ABI3BP: variants seen among roughly 807,000 people sequenced by gnomAD.
ABI3BP encodes the protein target of Nesh-SH3.
In ABI3BP, 216 loss-of-function variants were observed where a neutral mutation model predicts 268.6. The ratio of observed to expected loss-of-function variants is 0.80; its 90% CI spans 0.72 to 0.90. ABI3BP has a LOEUF of 0.90. Ranked by LOEUF, ABI3BP falls within the 40% of genes least tolerant of loss-of-function variation. The pLI is 0.00. For missense variants in ABI3BP, 2,090 were observed against 2,182.4 expected (o/e 0.96, Z 0.84); for synonymous variants, 730 against 730.0 (o/e 1.00, Z 0.00).
At chr3:100,904,526 A>T (rs982016399) in intron 2 of ABI3BP, among the ~76,000 whole-genome samples, 4 of 152,208 alleles carry the variant, frequency 2.6e-5, no homozygotes, top group Admixed American at 1.3e-4. Flanking sequence ...AGGTAGAACA[A>T]GGTAAGTATG....
chr3:100,751,276 T>G (rs1281994691), intron 67 of ABI3BP, among the ~76,000 whole-genome samples: 1 of 152,210 alleles, frequency 6.6e-6, no homozygotes, highest in African/African-American at 2.4e-5. Flanking sequence ...ATAACATTAA[T>G]AAATGAGTGA....
intron 47 of ABI3BP, among the ~76,000 whole-genome samples, 200 bp downstream of exon 47, chr3:100,811,524 CAGAG>C (rs1578570054): frequency 6.6e-6 from 1 of 152,058 alleles, no homozygotes; most frequent in Admixed American, 6.6e-5. Flanking sequence ...TAGACTTCAG[CAGAG>C]AAAGACAAAT....
In ABI3BP at chr3:100,749,221, A is replaced by G. The variant is rs2095185908; in HGVS notation, c.*1274T>C. 2 of 30,014 alleles carry G rather than the reference A, an allele frequency of 6.7e-5. No individual in the cohort carries two copies. Among genetic ancestry groups the G allele is most frequent in the Admixed American group, 5.4e-4 (1 of 1,854 alleles). The allele number at this position is 30,014 out of a possible 1,614,324, so 1.9% of individuals were successfully genotyped here. ...TTAATTTAGGACATAAACAAACAGT[A>G]GATATAATGGGGGTTGGTAGAGCCT... On this transcript the variant is annotated 3_prime_UTR_variant, in exon 68 of 68. Transcript: ENST00000471714.
intron 1 of ABI3BP, among the ~76,000 whole-genome samples, chr3:100,984,877 A>G (rs886384068): frequency 1.3e-5 from 2 of 152,160 alleles, no homozygotes; most frequent in African/African-American, 2.4e-5. Context: ...CAGGGTATCT[A>G]GTATTAAACA....
intron 2 of ABI3BP, among the ~76,000 whole-genome samples, chr3:100,917,339 G>A (rs989506694): frequency 1.3e-5 from 2 of 152,042 alleles, no homozygotes; most frequent in Non-Finnish European, 2.9e-5. Flanking sequence ...TGACCCACAT[G>A]TGTCAGAGAG....
intron 32 of ABI3BP, among the ~76,000 whole-genome samples, chr3:100,829,923 C>G (rs544925012): frequency 6.6e-6 from 1 of 151,304 alleles, no homozygotes; most frequent in East Asian, 2.0e-4. Context: ...GTTCTAAAAT[C>G]TTGCTGAGTT....
chr3:100,847,458 G>A (rs1452728308), intron 19 of ABI3BP, 144 bp downstream of exon 19: 6 of 708,656 alleles, frequency 8.5e-6, no homozygotes, highest in Non-Finnish European at 1.5e-5. Flanking sequence ...CATGGAGCTG[G>A]TGCACTCTCT....
chr3:100,950,459 A>ATTAACT, intron 1 of ABI3BP, among the ~76,000 whole-genome samples: 1 of 150,030 alleles, frequency 6.7e-6, no homozygotes, highest in African/African-American at 2.5e-5. Context: ...AGGAGCACTG[A>ATTAACT]CTAGTTAGAA....
intron 34 of ABI3BP, among the ~76,000 whole-genome samples, chr3:100,827,562 A>G (rs2098411149): frequency 6.6e-6 from 1 of 152,170 alleles, no homozygotes; most frequent in African/African-American, 2.4e-5. Context: ...GCTTCTGCAC[A>G]TCATAGACTT....
chr3:100,749,561 A>G lies in ABI3BP; in HGVS notation c.*934T>C. The G allele has an allele frequency of 3.4e-6, 1 of 296,816 alleles. No individual in the cohort carries two copies. Among genetic ancestry groups the G allele is most frequent in the Non-Finnish European group, 6.1e-6 (1 of 163,874 alleles). The allele number at this position is 296,816 out of a possible 1,614,324, so 18.4% of individuals were successfully genotyped here. On this transcript the variant is annotated 3_prime_UTR_variant, in exon 68 of 68. Transcript: ENST00000471714. Reference sequence around the variant, plus strand: ...TAGATTTTTATTACAGATTGAATTAAACAGTTACAAAGACATTCTCTGATA... The same window carrying G: ...TAGATTTTTATTACAGATTGAATTAGACAGTTACAAAGACATTCTCTGATA...
chr3:100,914,562 G>A (rs2057945893), intron 2 of ABI3BP: 2 of 390,026 alleles, frequency 5.1e-6, no homozygotes, highest in African/African-American at 2.1e-5. Context: ...GATGTCACAA[G>A]AGAAGTTGCT....
At chr3:100,923,075 TAGAAG>T (rs1199852255) in intron 2 of ABI3BP, among the ~76,000 whole-genome samples, 3 of 152,168 alleles carry the variant, frequency 2.0e-5, no homozygotes, top group Non-Finnish European at 2.9e-5. Flanking sequence ...ACTAGAATAC[TAGAAG>T]AGAAAAGGAA....
chr3:100,821,187 G>T (rs2098209551), intron 38 of ABI3BP, 74 bp from the exon 39 acceptor site: 6 of 1,279,232 alleles, frequency 4.7e-6, no homozygotes, highest in Non-Finnish European at 6.6e-6. Context: ...CTTCAAAAAT[G>T]AGTCTTACTA....
intron 40 of ABI3BP, among the ~76,000 whole-genome samples, chr3:100,819,290 G>A (rs969706192): frequency 2.0e-5 from 3 of 152,098 alleles, no homozygotes; most frequent in African/African-American, 7.2e-5. Flanking sequence ...TACTCTTCCT[G>A]TCTGACTCTC....
At chr3:100,924,379 ATTG>A (rs1342347958) in intron 2 of ABI3BP, among the ~76,000 whole-genome samples, 1 of 152,212 alleles carries the variant, frequency 6.6e-6, no homozygotes, top group African/African-American at 2.4e-5. Flanking sequence ...TTATAGAATT[ATTG>A]TTATGTGATA....
intron 61 of ABI3BP, among the ~76,000 whole-genome samples, chr3:100,772,411 G>A (rs529246477): frequency 1.9e-4 from 29 of 152,172 alleles, no homozygotes; most frequent in South Asian, 1.0e-3. Flanking sequence ...AACACCTTAC[G>A]GTAATGTATA....
chr3:100,819,246 T>G (rs910586769), intron 40 of ABI3BP, among the ~76,000 whole-genome samples: 6 of 152,318 alleles, frequency 3.9e-5, no homozygotes, highest in South Asian at 2.1e-4. Context: ...GAATCCTGTG[T>G]GTTTCAGGAA....
In ABI3BP at chr3:100,815,854, C is replaced by T. The variant is rs79990100; in HGVS notation, c.3289+58G>A. ...AAGCAACTCTGGTCATGACAGTGCT[C>T]AAGTGCGTTTTTAAATGGCAATAAA... is the stretch of plus-strand genomic sequence containing the variant. On this transcript the variant is annotated intron_variant, in intron 44 of 67. Transcript: ENST00000471714. The T allele has an allele frequency of 4.5e-4, 591 of 1,301,630 alleles. 4 individuals are homozygous for T. The East Asian group carries it at 0.011, about 23-fold the overall frequency. 80.6% of individuals were successfully genotyped at this position (1,301,630 alleles called of 1,614,324 possible).
At chr3:100,772,257 G>A (rs2096566857) in intron 61 of ABI3BP, among the ~76,000 whole-genome samples, 1 of 152,198 alleles carries the variant, frequency 6.6e-6, no homozygotes, top group Non-Finnish European at 1.5e-5. Flanking sequence ...AGTCTTTCAG[G>A]TAGGAAGGAA....
Sources: gnomAD v4.1 joint callset for allele counts (sites outside exome capture counted in the v4.1 genomes callset) on GRCh38, gnomAD v4.1.1 for gene constraint, MANE v1.5 for transcripts, NCBI Gene and HGNC (gene_info 2026-07-23, HGNC 2026-07-21) for gene names.